PDZRN4: variants seen among roughly 807,000 people sequenced by gnomAD.
PDZRN4 encodes PDZ domain-containing RING finger protein 4.
In PDZRN4, 70 loss-of-function variants were observed where a neutral mutation model predicts 99.0. The observed-to-expected ratio is 0.71, with a 90% CI of 0.58 to 0.86. The LOEUF is 0.86. PDZRN4 is among the 40% of genes least tolerant of loss of function. The probability of loss-of-function intolerance (pLI) is 0.00; values close to 1 mark genes in which losing one functional copy is unlikely to be tolerated. For synonymous variants in PDZRN4, 551 were observed against 501.6 expected (o/e 1.10, Z -1.32); for missense variants, 1,474 against 1,331.2 (o/e 1.11, Z -1.67).
At chr12:41,206,548 A>C (rs1410464173) in intron 3 of PDZRN4, among the ~76,000 whole-genome samples, 1 of 145,514 alleles carries the variant, frequency 6.9e-6, no homozygotes, top group Non-Finnish European at 1.5e-5. Context: ...TAATAAATTA[A>C]TAAATTAATA....
chr12:41,192,926 A>C (rs1348529522), intron 2 of PDZRN4, among the ~76,000 whole-genome samples: 1 of 152,192 alleles, frequency 6.6e-6, no homozygotes, highest in Non-Finnish European at 1.5e-5. Flanking sequence ...AACTGGAAAA[A>C]GGTGGTTAAG....
At chr12:41,569,174 C>T (rs2120852675) in intron 9 of PDZRN4, among the ~76,000 whole-genome samples, 1 of 151,728 alleles carries the variant, frequency 6.6e-6, no homozygotes, top group South Asian at 2.1e-4. Flanking sequence ...GGCTGGAGTG[C>T]AGTGACACAA....
Position 41,552,699 on chromosome 12 carries a change from T to G in PDZRN4, c.1247T>G (p.Leu416Arg). The G allele has an allele frequency of 6.2e-7, 1 of 1,613,794 alleles. No individual in the cohort carries two copies. Among genetic ancestry groups the G allele is most frequent in the South Asian group, 1.1e-5 (1 of 91,076 alleles). ...CRVSSQEKLG[L>R]TVCYRTDDEE... ...GTTAGCAGTCAAGAGAAGCTGGGCC[T>G]GACAGTCTGTTACCGAACAGATGAT... The change falls in exon 6 of 10, where the codon CTG (leucine) becomes CGG (arginine). Residue 416 changes from leucine to arginine, a missense_variant. By Grantham distance (102) the Leu-to-Arg change is moderately radical (BLOSUM62 -2). Coordinates refer to ENST00000402685, the MANE Select transcript of PDZRN4 (RefSeq NM_001164595.2).
At chr12:41,424,223 T>C (rs1448526525) in intron 3 of PDZRN4, among the ~76,000 whole-genome samples, 4 of 152,190 alleles carry the variant, frequency 2.6e-5, no homozygotes, top group Non-Finnish European at 5.9e-5. Flanking sequence ...AAATGCAAAC[T>C]TCCTCTGAGA....
chr12:41,332,811 A>G (rs891090192), intron 3 of PDZRN4, among the ~76,000 whole-genome samples: 1 of 151,104 alleles, frequency 6.6e-6, no homozygotes, highest in South Asian at 2.1e-4. Flanking sequence ...TAACAAAAAC[A>G]GTTTCTCCCT....
At chr12:41,324,685 T>C (rs957444844) in intron 3 of PDZRN4, among the ~76,000 whole-genome samples, 1 of 152,126 alleles carries the variant, frequency 6.6e-6, no homozygotes, top group Non-Finnish European at 1.5e-5. Flanking sequence ...ATTTGTCATA[T>C]ATTCTAGATC....
intron 3 of PDZRN4, among the ~76,000 whole-genome samples, chr12:41,302,935 TACAC>T (rs71846165): frequency 0.028 from 3,573 of 127,082 alleles, 95 homozygotes; most frequent in African/African-American, 0.073. Context: ...ATATATAAAA[TACAC>T]ACACACACAC....
intron 5 of PDZRN4, among the ~76,000 whole-genome samples, chr12:41,551,870 T>C (rs1939062998): frequency 6.6e-6 from 1 of 152,212 alleles, no homozygotes; most frequent in South Asian, 2.1e-4. Flanking sequence ...CATTTCATTA[T>C]ATAAAACTGA....
chr12:41,274,891 T>C (rs1179269558), intron 3 of PDZRN4, among the ~76,000 whole-genome samples: 2 of 152,122 alleles, frequency 1.3e-5, no homozygotes, highest in Non-Finnish European at 2.9e-5. Context: ...TGCTCTGAAA[T>C]CAGTCAAATA....
At chr12:41,418,849 G>T (rs1189788278) in intron 3 of PDZRN4, among the ~76,000 whole-genome samples, 4 of 152,114 alleles carry the variant, frequency 2.6e-5, no homozygotes, top group Non-Finnish European at 4.4e-5. Flanking sequence ...GGTGTCAGCT[G>T]GGGGGTAACT....
At chr12:41,542,539 T>C (rs1254266126) in intron 5 of PDZRN4, among the ~76,000 whole-genome samples, 1 of 152,154 alleles carries the variant, frequency 6.6e-6, no homozygotes, top group Non-Finnish European at 1.5e-5. Flanking sequence ...CTCTCTCCCA[T>C]TCAGTGATTC....
At chr12:41,301,179 AG>A (rs1049496191) in intron 3 of PDZRN4, among the ~76,000 whole-genome samples, 1 of 152,020 alleles carries the variant, frequency 6.6e-6, no homozygotes, top group African/African-American at 2.4e-5. Flanking sequence ...TTGCTTTCAA[AG>A]GGGGATGGGG....
Position 41,497,762 on chromosome 12 carries a change from T to C in PDZRN4, c.844-8694T>C, listed in dbSNP as rs139536497. Among the ~76,000 whole-genome samples, 118 of 152,264 alleles carry C rather than the reference T, an allele frequency of 7.7e-4. 2 individuals carry two copies. The highest frequency in any genetic ancestry group is 2.6e-3 in the African/African-American group (107 of 41,582). The stretch of plus-strand genomic sequence containing the variant: ...AGTTGGTGACACAAATCTGTGTTTT[T>C]TGCTTGTAGGGATATGTGTGTGTAT... On this transcript the variant is annotated intron_variant, in intron 3 of 9. Coordinates refer to ENST00000402685, the MANE Select transcript of PDZRN4 (RefSeq NM_001164595.2).
chr12:41,468,793 A>G (rs1405014188), intron 3 of PDZRN4, among the ~76,000 whole-genome samples: 1 of 152,216 alleles, frequency 6.6e-6, no homozygotes. Context: ...GACAAAAATA[A>G]TCAGAATTGA....
chr12:41,463,657 A>G (rs1366421113), intron 3 of PDZRN4, among the ~76,000 whole-genome samples: 1 of 152,190 alleles, frequency 6.6e-6, no homozygotes, highest in East Asian at 1.9e-4. Flanking sequence ...CCACATCTAT[A>G]TTTAGCATGT....
intron 9 of PDZRN4, among the ~76,000 whole-genome samples, chr12:41,571,363 C>A (rs1939471350): frequency 1.0e-5 from 1 of 97,136 alleles, no homozygotes; most frequent in Admixed American, 1.2e-4. Flanking sequence ...CTCTCTCTCT[C>A]TCTCTCTCTC....
At chr12:41,334,571 G>C (rs983131892) in intron 3 of PDZRN4, among the ~76,000 whole-genome samples, 1 of 152,070 alleles carries the variant, frequency 6.6e-6, no homozygotes, top group Non-Finnish European at 1.5e-5. Context: ...CTCTGGAGCA[G>C]GAGCTTCTCT....
intron 3 of PDZRN4, among the ~76,000 whole-genome samples, chr12:41,385,724 C>T (rs1018982495): frequency 9.9e-5 from 15 of 152,124 alleles, no homozygotes; most frequent in African/African-American, 3.4e-4. Flanking sequence ...GGATTCATAG[C>T]TGAATTCTAC....
intron 3 of PDZRN4, among the ~76,000 whole-genome samples, chr12:41,312,144 A>C (rs1951610830): frequency 6.6e-6 from 1 of 152,094 alleles, no homozygotes; most frequent in Non-Finnish European, 1.5e-5. Context: ...TGCACAGTGC[A>C]TTCCATTTTG....
Sources: allele counts gnomAD v4.1 joint callset (sites outside exome capture counted in the v4.1 genomes callset), GRCh38; gene constraint gnomAD v4.1.1; transcripts MANE v1.5; gene names NCBI Gene and HGNC (gene_info 2026-07-23, HGNC 2026-07-21).